The following COBL variants were observed in gnomAD, a reference collection of about 807,000 sequenced individuals.
COBL encodes protein cordon-bleu.
A neutral mutation model predicts 98.8 loss-of-function variants in COBL; 51 were observed. The observed-to-expected ratio is 0.52, with a 90% CI of 0.41 to 0.65. The LOEUF (loss-of-function observed/expected upper bound fraction) is 0.65, where lower values mean the gene tolerates loss of function less well. COBL is among the 30% of genes least tolerant of loss of function. The pLI, the probability that COBL is intolerant of heterozygous loss-of-function variation, is 0.00. For missense variants in COBL, 1,617 were observed against 1,617.5 expected (o/e 1.00, Z 0.01); for synonymous variants, 634 against 651.7 (o/e 0.97, Z 0.41).
intron 1 of COBL, among the ~76,000 whole-genome samples, chr7:51,267,965 G>A (rs1197351417): frequency 6.6e-6 from 1 of 152,144 alleles, no homozygotes; most frequent in Non-Finnish European, 1.5e-5. Context: ...AGCACACCCG[G>A]GGGCCTGTAC....
chr7:51,043,264 G>C (rs1013087205), intron 8 of COBL, 119 bp downstream of exon 8: 2 of 937,532 alleles, frequency 2.1e-6, no homozygotes, highest in African/African-American at 3.3e-5. Context: ...ATCAGGGTCG[G>C]GGCCCCTGGT....
chr7:51,316,793 G>A lies in COBL; in HGVS notation c.-160C>T. The stretch of plus-strand genomic sequence containing the variant: ...AGCGGCGGAGCGCGGCGGACGGAAG[G>A]GGCTGGAATCGTCTCTAGCGGGCGG... On this transcript the variant is annotated 5_prime_UTR_variant, in exon 1 of 13. Coordinates refer to ENST00000265136, the MANE Select transcript of COBL (RefSeq NM_015198.5). 1 of 515,292 alleles carries A rather than the reference G, an allele frequency of 1.9e-6. No individual in the cohort carries two copies. The highest frequency in any genetic ancestry group is 2.9e-6 in the Non-Finnish European group (1 of 348,666). The allele number at this position is 515,292 out of a possible 1,614,324, so 31.9% of individuals were successfully genotyped here. A position where few individuals can be genotyped will look rare whatever the true frequency, so the allele number is the denominator to read the frequency against.
At chr7:51,236,406 C>T (rs1302072977) in intron 1 of COBL, among the ~76,000 whole-genome samples, 1 of 152,140 alleles carries the variant, frequency 6.6e-6, no homozygotes, top group East Asian at 1.9e-4. Flanking sequence ...CAGGGCAGGG[C>T]TCTGGGTCAC....
chr7:51,085,188 C>T lies in COBL; in HGVS notation c.1074G>A (p.Glu358=), dbSNP rs1290569232. The T allele has an allele frequency of 2.5e-6, 4 of 1,613,918 alleles. No homozygotes were observed. The Admixed American group carries it at 5.0e-5, about 20-fold the overall frequency. ...CACCCATCGTGCTCTTCCTGTTCTC[C>T]TCCTTATCCTCAGTGCGGTTGGGGA... ...PLIPNRTEDK[E]ENRKSTMVSL... is the part of the protein sequence containing the mutation. Residue 358 remains glutamate, a synonymous_variant, in exon 7 of 13, where the codon GAG becomes GAA. Transcript: ENST00000265136.
At chr7:51,187,909 T>A in intron 4 of COBL, 1 of 1,232,428 alleles carries the variant, frequency 8.1e-7, no homozygotes, top group African/African-American at 1.5e-5. Context: ...CCAGGTTCAC[T>A]GTACCTTGAC....
chr7:51,275,602 A>G (rs888034936), intron 1 of COBL, among the ~76,000 whole-genome samples: 109 of 151,518 alleles, frequency 7.2e-4, no homozygotes, highest in African/African-American at 2.6e-3. Context: ...ACCTGCCACC[A>G]CCACCACCGC....
At chr7:51,033,696 G>A (rs542942531) in intron 8 of COBL, 1 of 152,242 alleles carries the variant, frequency 6.6e-6, no homozygotes, top group Non-Finnish European at 1.5e-5. Context: ...TTGAGTGACA[G>A]AGCAAATTTT....
intron 7 of COBL, among the ~76,000 whole-genome samples, chr7:51,063,198 G>A (rs1791564092): frequency 6.7e-6 from 1 of 149,774 alleles, no homozygotes; most frequent in South Asian, 2.1e-4. Flanking sequence ...ACAATGGCGT[G>A]ATCTTGGCGC....
intron 2 of COBL, among the ~76,000 whole-genome samples, chr7:51,203,588 T>C (rs928051059): frequency 6.9e-6 from 1 of 144,642 alleles, no homozygotes; most frequent in Non-Finnish European, 1.5e-5. Context: ...CTAGGCAGTA[T>C]TACAAAAATA....
chr7:51,171,644 TTTTGA>T (rs940733199), intron 5 of COBL, among the ~76,000 whole-genome samples: 7 of 152,288 alleles, frequency 4.6e-5, no homozygotes, highest in Middle Eastern at 3.4e-3. Context: ...ATTTATACTG[TTTTGA>T]TTTATTTTGT....
Position 51,136,268 on chromosome 7 carries a change from G to C in COBL, c.847C>G (p.Leu283Val), listed in dbSNP as rs750777823. 1.2e-6 allele frequency: 2 copies of C among 1,614,102 alleles called. No homozygotes were observed. The highest frequency in any genetic ancestry group is 3.3e-5 in the Admixed American group (2 of 60,020). The change falls in exon 6 of 13, where the codon CTC becomes GTC. Residue 283 changes from leucine (L) to valine (V), a missense_variant. Leu to Val is a conservative substitution (Grantham distance 32). Around this residue, in one of 3 missense-constraint regions of COBL, gnomAD observed 1,304 missense variants for 1,282.0 expected, o/e 1.02. Coordinates refer to ENST00000265136, the MANE Select transcript of COBL (RefSeq NM_015198.5). ...ACCCCTGAGATGCTGCCCAGCGAGA[G>C]GGATGGACCCAGCGTAAGAGAACGT... ...HSRSLTLGPS[L>V]SLGSISGVSV...
rs201211279 is a variant in COBL, at chr7:51,193,499, G to C, written c.336C>G (p.Thr112=). ...HHALEIRSSE[T]QQPLSFKPNT... ...TTGGCTTAAAACTCAAAGGTTGTTG[G>C]GTTTCTGAAGACCGAATTTCAAGGG... The change falls in exon 3 of 13, where the codon ACC becomes ACG. Residue 112 remains threonine (T), a synonymous_variant. Transcript: ENST00000265136. The C allele has an allele frequency of 1.9e-6, 3 of 1,614,168 alleles. No individual in the cohort carries two copies. The highest frequency in any genetic ancestry group is 2.2e-5 in the South Asian group (2 of 91,078).
chr7:51,118,577 C>T (rs1797480902), intron 6 of COBL, among the ~76,000 whole-genome samples: 1 of 151,446 alleles, frequency 6.6e-6, no homozygotes, highest in Non-Finnish European at 1.5e-5. Flanking sequence ...TTCCAAATTC[C>T]AATTCACTCA....
At chr7:51,065,535 G>T in intron 7 of COBL, 1 of 617,776 alleles carries the variant, frequency 1.6e-6, no homozygotes, top group Non-Finnish European at 2.9e-6. Context: ...TTGGGCTAGG[G>T]TGGGCTACAG....
At chr7:51,204,453 C>T (rs989473001) in intron 2 of COBL, among the ~76,000 whole-genome samples, 1 of 151,642 alleles carries the variant, frequency 6.6e-6, no homozygotes, top group East Asian at 1.9e-4. Flanking sequence ...TATGATCATA[C>T]ACATAGAAAG....
chr7:51,258,178 G>A (rs1183577964), intron 1 of COBL, among the ~76,000 whole-genome samples: 1 of 152,118 alleles, frequency 6.6e-6, no homozygotes, highest in East Asian at 1.9e-4. Flanking sequence ...ATTTAAAAGT[G>A]TATAACTCTT....
chr7:51,085,295 C>T lies in COBL; in HGVS notation c.967G>A (p.Gly323Arg), dbSNP rs1235889451. 6.4e-7 allele frequency: 1 copy of T among 1,561,894 alleles called. No individual in the cohort carries two copies. Among genetic ancestry groups the T allele is most frequent in the East Asian group, 2.3e-5 (1 of 43,254 alleles). The change falls in exon 7 of 13, where the codon GGG becomes AGG. Residue 323 changes from glycine (G) to arginine (R), a missense_variant. Coordinates refer to ENST00000265136, the MANE Select transcript of COBL (RefSeq NM_015198.5). ...QDKASEKVSL[G>R]SQIDLQKKKR... is the part of the protein sequence containing the mutation. Reference sequence around the variant, plus strand: ...TTCTTCTGTAAATCAATCTGTGACCCAAGAGATACCTATGAAGTACAAAGA... The same window carrying T: ...TTCTTCTGTAAATCAATCTGTGACCTAAGAGATACCTATGAAGTACAAAGA...
At chr7:51,297,907 A>C (rs1004762678) in intron 1 of COBL, among the ~76,000 whole-genome samples, 1 of 152,204 alleles carries the variant, frequency 6.6e-6, no homozygotes, top group East Asian at 1.9e-4. Context: ...AATCAAGACC[A>C]TATTGCCCTA....
intron 6 of COBL, among the ~76,000 whole-genome samples, chr7:51,124,330 G>A (rs1006506733): frequency 2.6e-5 from 4 of 152,088 alleles, no homozygotes; most frequent in Admixed American, 2.6e-4. Flanking sequence ...TAATTCATTA[G>A]CAATTGGAGA....
Sources: gnomAD v4.1 joint callset for allele counts (sites outside exome capture counted in the v4.1 genomes callset) on GRCh38, gnomAD v4.1.1 for gene constraint, gnomAD v4.1.1 regional missense constraint, MANE v1.5 for transcripts, NCBI Gene and HGNC (gene_info 2026-07-23, HGNC 2026-07-21) for gene names.